Variants in PLRG1 observed in about 807,000 individuals in gnomAD.
The protein encoded by PLRG1 is pleiotropic regulator 1, also known as pleiotropic regulator 1 (PRL1 homolog, Arabidopsis).
In PLRG1, 28 loss-of-function variants were observed where a neutral mutation model predicts 74.9. The ratio of observed to expected loss-of-function variants is 0.37; its 90% CI spans 0.28 to 0.51. The LOEUF is 0.51. Ranked by LOEUF, PLRG1 falls within the 20% of genes least tolerant of loss-of-function variation. PLRG1 has a pLI of 0.91. For missense variants in PLRG1, 445 were observed against 631.9 expected (o/e 0.70, Z 3.17); for synonymous variants, 197 against 212.4 (o/e 0.93, Z 0.63).
chr4:154,537,072 C>A (rs953475229), intron 14 of PLRG1, among the ~76,000 whole-genome samples: 1 of 152,024 alleles, frequency 6.6e-6, no homozygotes, highest in Admixed American at 6.6e-5. Flanking sequence ...CATTTCCCAG[C>A]AACTATAACA....
chr4:154,541,271 GA>G (rs1383153612), intron 8 of PLRG1, among the ~76,000 whole-genome samples: 1 of 152,040 alleles, frequency 6.6e-6, no homozygotes, highest in Non-Finnish European at 1.5e-5. Context: ...ATACAGATAT[GA>G]AAAAGTTCAC....
rs1729744123 is a variant in PLRG1, at chr4:154,550,381, G to A, written c.-73C>T. The A allele has an allele frequency of 1.4e-6, 2 of 1,437,132 alleles. No individual in the cohort carries two copies. Among genetic ancestry groups the A allele is most frequent in the Admixed American group, 3.4e-5 (2 of 59,358 alleles). The allele number at this position is 1,437,132 out of a possible 1,614,324, so 89.0% of individuals were successfully genotyped here. ...TAACGCAGTACCCGCCGCCACAGCT[G>A]TGCAGCACCTTCCGGAATTGGGCGC... On this transcript the variant is annotated 5_prime_UTR_variant, in exon 1 of 15. Transcript: ENST00000499023.
intron 2 of PLRG1, among the ~76,000 whole-genome samples, chr4:154,548,357 A>T (rs1729696309): frequency 6.6e-6 from 1 of 152,188 alleles, no homozygotes; most frequent in Non-Finnish European, 1.5e-5. Flanking sequence ...TTGAGGAGTT[A>T]AGTAGATTTT....
At chr4:154,547,977 C>T in intron 2 of PLRG1, 124 bp from the exon 3 acceptor site, 2 of 658,660 alleles carry the variant, frequency 3.0e-6, no homozygotes, top group Non-Finnish European at 4.9e-6. Context: ...TTAAAAGAAT[C>T]AAAAATTTCC....
chr4:154,538,721 T>C (rs1729500829), intron 12 of PLRG1, among the ~76,000 whole-genome samples: 1 of 152,134 alleles, frequency 6.6e-6, no homozygotes, highest in Non-Finnish European at 1.5e-5. Flanking sequence ...GTTCTTATTA[T>C]TTCTGTTTCT....
At position 154,550,364 on chromosome 4, in the gene PLRG1, T is replaced by TACCCGCCGCCACAGCTGTGCAGC; in HGVS notation, c.-79_-57dup. Reference sequence around the variant, plus strand: ...GAAGAAACTCTAATCACTAACGCAGTACCCGCCGCCACAGCTGTGCAGCAC... The same window carrying TACCCGCCGCCACAGCTGTGCAGC: ...GAAGAAACTCTAATCACTAACGCAGTACCCGCCGCCACAGCTGTGCAGCACCCGCCGCCACAGCTGTGCAGCAC... On this transcript the variant is annotated 5_prime_UTR_variant, in exon 1 of 15. Coordinates refer to ENST00000499023, the MANE Select transcript of PLRG1 (RefSeq NM_002669.4). 6.4e-7 allele frequency: 1 copy of TACCCGCCGCCACAGCTGTGCAGC among 1,557,224 alleles called. No individual in the cohort carries two copies. Among genetic ancestry groups the TACCCGCCGCCACAGCTGTGCAGC allele is most frequent in the Non-Finnish European group, 8.9e-7 (1 of 1,128,850 alleles).
intron 13 of PLRG1, 200 bp from the exon 14 acceptor site, chr4:154,537,679 C>T (rs1729475591): frequency 4.0e-6 from 2 of 499,882 alleles, no homozygotes; most frequent in African/African-American, 2.0e-5. Context: ...TTAAAAAGCA[C>T]CTGAAAATCT....
chr4:154,540,342 T>C (rs1729533080), intron 10 of PLRG1: 3 of 582,252 alleles, frequency 5.2e-6, no homozygotes, highest in African/African-American at 3.7e-5. Context: ...TGGACAATAG[T>C]TGTTACAGAA....
At chr4:154,547,681 G>T in intron 3 of PLRG1, 30 bp downstream of exon 3, 1 of 1,590,244 alleles carries the variant, frequency 6.3e-7, no homozygotes, top group Non-Finnish European at 8.6e-7. Context: ...TCACATATAA[G>T]TCTGACATTT....
At chr4:154,545,977 T>G in intron 5 of PLRG1, 54 bp from the exon 6 acceptor site, 1 of 1,207,288 alleles carries the variant, frequency 8.3e-7, no homozygotes, top group South Asian at 1.3e-5. Context: ...AGTCATGTAT[T>G]CTGCAAAACT....
Position 154,537,274 on chromosome 4 carries a change from C to T in PLRG1, c.1485+12G>A. On this transcript the variant is annotated intron_variant, in intron 14 of 14. Transcript: ENST00000499023. ...GCTGTTTTACTTAACGAATGTGAAA[C>T]ACAGAACTTACGGCTGTGTCATCCT... 1.3e-6 allele frequency: 2 copies of T among 1,586,354 alleles called. No homozygotes were observed. Among genetic ancestry groups the T allele is most frequent in the Non-Finnish European group, 1.7e-6 (2 of 1,159,340 alleles).
At chr4:154,540,079 G>C in intron 10 of PLRG1, 26 bp from the exon 11 acceptor site, 1 of 1,191,934 alleles carries the variant, frequency 8.4e-7, no homozygotes, top group Non-Finnish European at 1.3e-6. Context: ...AGACATATTA[G>C]GAAAGAGAAT....
In PLRG1 at chr4:154,542,214, A is replaced by T. The variant is rs1178808669; in HGVS notation, c.660T>A (p.Val220=). 6.2e-7 allele frequency: 1 copy of T among 1,608,742 alleles called. No individual in the cohort carries two copies. Among genetic ancestry groups the T allele is most frequent in the African/African-American group, 1.3e-5 (1 of 74,930 alleles). ...IAVEPGNQWF[V]TGSADRTIKI... ...TTATAGTTCTGTCAGCAGATCCAGT[A>T]ACAAACCACTGATTTCCAGGTTCCA... Residue 220 remains valine (V), a synonymous_variant, in exon 8 of 15, where the codon GTT becomes GTA. Transcript: ENST00000499023.
chr4:154,544,679 G>A (rs1488867988), intron 6 of PLRG1, 133 bp from the exon 7 acceptor site: 1 of 597,344 alleles, frequency 1.7e-6, no homozygotes, highest in Non-Finnish European at 3.0e-6. Flanking sequence ...ACAATTTTCT[G>A]TATGTTAACT....
At chr4:154,539,919 T>C (rs755147251) in intron 11 of PLRG1, 32 bp downstream of exon 11, 4 of 985,332 alleles carry the variant, frequency 4.1e-6, no homozygotes, top group East Asian at 4.8e-5. Context: ...CTGACATGAA[T>C]ATTCTGTAAA....
intron 12 of PLRG1, among the ~76,000 whole-genome samples, chr4:154,538,585 G>A (rs1460866105): frequency 6.6e-6 from 1 of 151,808 alleles, no homozygotes; most frequent in Non-Finnish European, 1.5e-5. Context: ...ATGGAGAGTA[G>A]AAGACAGAGA....
In PLRG1 at chr4:154,535,670, A is replaced by G. The variant is rs945299591; in HGVS notation, c.*1015T>C. The G allele has an allele frequency of 6.6e-6, 1 of 151,984 alleles. No individual in the cohort carries two copies. Among genetic ancestry groups the G allele is most frequent in the African/African-American group, 2.4e-5 (1 of 41,398 alleles). 9.4% of individuals were successfully genotyped at this position (151,984 alleles called of 1,614,324 possible). Reference sequence around the variant, plus strand: ...TGGGGAATCAGGATCCCAGGGCAGGATTTATAAAACTTGTATTTACCAAAA... The same window carrying G: ...TGGGGAATCAGGATCCCAGGGCAGGGTTTATAAAACTTGTATTTACCAAAA... On this transcript the variant is annotated 3_prime_UTR_variant, in exon 15 of 15. Coordinates refer to ENST00000499023, the MANE Select transcript of PLRG1 (RefSeq NM_002669.4).
At chr4:154,537,693 A>G (rs1158667803) in intron 13 of PLRG1, among the ~76,000 whole-genome samples, 6 of 152,128 alleles carry the variant, frequency 3.9e-5, no homozygotes, top group Admixed American at 3.3e-4. Context: ...AAAATCTGAC[A>G]TCCAATTCCA....
intron 7 of PLRG1, among the ~76,000 whole-genome samples, chr4:154,543,192 G>A (rs963878326): frequency 1.3e-5 from 2 of 152,132 alleles, no homozygotes; most frequent in Admixed American, 6.5e-5. Context: ...CTGTCGCCCA[G>A]GCTGGAGTGC....
Sources: allele counts gnomAD v4.1 joint callset (sites outside exome capture counted in the v4.1 genomes callset), GRCh38; gene constraint gnomAD v4.1.1; transcripts MANE v1.5; gene names NCBI Gene and HGNC (gene_info 2026-07-23, HGNC 2026-07-21).